ODAD4: variants seen among roughly 807,000 people sequenced by gnomAD.
The protein encoded by ODAD4 is outer dynein arm docking complex subunit 4.
ODAD4 carries 49 observed loss-of-function variants against 51.8 expected under a neutral mutation model. The observed-to-expected ratio is 0.95, with a 90% confidence interval of 0.75 to 1.20. ODAD4 has a LOEUF of 1.20. Ranked by LOEUF, ODAD4 falls within the 50% of genes most tolerant of loss-of-function variation. The pLI, the probability that ODAD4 is intolerant of heterozygous loss-of-function variation, is 0.00. For synonymous variants in ODAD4, 235 were observed against 221.3 expected (o/e 1.06, Z -0.55); for missense variants, 590 against 586.5 (o/e 1.01, Z -0.06).
chr17:41,937,022 T>C lies in ODAD4; in HGVS notation c.625+95T>C, dbSNP rs2050439396. 6 of 1,405,744 alleles carry C rather than the reference T, an allele frequency of 4.3e-6. No homozygotes were observed. In the South Asian group the frequency reaches 7.7e-5, roughly 18 times the overall value. The allele number at this position is 1,405,744 out of a possible 1,614,324, so 87.1% of individuals were successfully genotyped here. A position where few individuals can be genotyped will look rare whatever the true frequency, so the allele number is the denominator to read the frequency against. On this transcript the variant is annotated intron_variant, in intron 5 of 11. Transcript: ENST00000377540. Reference sequence around the variant, plus strand: ...TGAAGGCAGAACCTGTCATATAATATTAGCTGACGTGTACCTGTGGACAGG... The same window carrying C: ...TGAAGGCAGAACCTGTCATATAATACTAGCTGACGTGTACCTGTGGACAGG...
At position 41,945,132 on chromosome 17, in the gene ODAD4, A is replaced by C; in HGVS notation, c.1059-4A>C. 1.2e-6 allele frequency: 2 copies of C among 1,611,942 alleles called. No homozygotes were observed. The highest frequency in any genetic ancestry group is 2.2e-5 in the East Asian group (1 of 44,872). On this transcript the variant is annotated splice_polypyrimidine_tract_variant and splice_region_variant and intron_variant, in intron 7 of 11. Transcript: ENST00000377540. Reference sequence around the variant, plus strand: ...GAATGGCTTGTTTTGCTTCTTCCCCACAGTGACCTTCCTGATGCAAAATCG... The same window carrying C: ...GAATGGCTTGTTTTGCTTCTTCCCCCCAGTGACCTTCCTGATGCAAAATCG...
At position 41,949,133 on chromosome 17, in the gene ODAD4, C is replaced by T. The variant is rs1166049994; in HGVS notation, c.1146-20C>T. ...ATGGTTTTGGGGGATGAAGCTGACT[C>T]TGGTTCTTCATGTCCCCAGGTGGGA... is the stretch of plus-strand genomic sequence containing the variant. On this transcript the variant is annotated intron_variant, in intron 8 of 11. Transcript: ENST00000377540. The T allele has an allele frequency of 1.8e-5, 7 of 398,412 alleles. 1 individual carries two copies. The highest frequency in any genetic ancestry group is 3.1e-5 in the Non-Finnish European group (7 of 226,080). 24.7% of individuals were successfully genotyped at this position (398,412 alleles called of 1,614,324 possible).
intron 1 of ODAD4, 78 bp from the exon 2 acceptor site, chr17:41,935,139 G>A (rs2050406232): frequency 3.2e-6 from 5 of 1,565,736 alleles, no homozygotes; most frequent in Non-Finnish European, 4.4e-6. Flanking sequence ...TCTGCAGGAG[G>A]GTTTGGGCTG....
chr17:41,961,593 A>G, intron 11 of ODAD4, 127 bp downstream of exon 11: 1 of 651,200 alleles, frequency 1.5e-6, no homozygotes, highest in East Asian at 2.7e-5. Context: ...CGTGCATTCT[A>G]ATTTCAGTGC....
intron 10 of ODAD4, among the ~76,000 whole-genome samples, chr17:41,957,954 G>A (rs1256917661): frequency 6.6e-6 from 1 of 151,938 alleles, no homozygotes; most frequent in Non-Finnish European, 1.5e-5. Flanking sequence ...TTTATTTTTT[G>A]TAGAGATGAG....
At chr17:41,939,262 T>A in intron 7 of ODAD4, 90 bp downstream of exon 7, 3 of 1,285,574 alleles carry the variant, frequency 2.3e-6, no homozygotes, top group Non-Finnish European at 3.2e-6. Context: ...GCTGGTGGCT[T>A]GACTCCCATT....
intron 11 of ODAD4, among the ~76,000 whole-genome samples, chr17:41,964,361 G>A (rs987639810): frequency 4.0e-5 from 6 of 151,756 alleles, no homozygotes; most frequent in Non-Finnish European, 7.4e-5. Flanking sequence ...CCGCCCGGCC[G>A]TGTGATTTCT....
intron 8 of ODAD4, among the ~76,000 whole-genome samples, chr17:41,946,552 T>C (rs995751386): frequency 4.6e-5 from 7 of 152,216 alleles, no homozygotes; most frequent in Non-Finnish European, 8.8e-5. Flanking sequence ...CTCAAACTCC[T>C]GACCTCAGGT....
intron 8 of ODAD4, among the ~76,000 whole-genome samples, chr17:41,946,749 T>C (rs2050592121): frequency 6.6e-6 from 1 of 152,190 alleles, no homozygotes; most frequent in Admixed American, 6.5e-5. Flanking sequence ...TGATCTCAGC[T>C]CATGGCAACC....
At chr17:41,939,841 G>A (rs185088209) in intron 7 of ODAD4, among the ~76,000 whole-genome samples, 1 of 152,290 alleles carries the variant, frequency 6.6e-6, no homozygotes, top group Non-Finnish European at 1.5e-5. Context: ...GACCTAGGCT[G>A]TGGAACTTGC....
intron 1 of ODAD4, among the ~76,000 whole-genome samples, chr17:41,933,071 G>A (rs1465852491): frequency 6.7e-6 from 1 of 150,340 alleles, no homozygotes; most frequent in Non-Finnish European, 1.5e-5. Flanking sequence ...GACCAGATAA[G>A]TGAACAATTG....
chr17:41,958,906 C>T (rs945988848), intron 10 of ODAD4, among the ~76,000 whole-genome samples: 3 of 147,534 alleles, frequency 2.0e-5, no homozygotes, highest in Admixed American at 6.8e-5. Context: ...CCCAGCTACT[C>T]GGGAGGCTGA....
chr17:41,933,683 G>A lies in ODAD4; in HGVS notation c.115-1534G>A, dbSNP rs1598068228. On this transcript the variant is annotated intron_variant, in intron 1 of 11. Transcript: ENST00000377540. ...AAAAAAATTAGCCAGGTGTGGTGGC[G>A]GGCACCCGTAGTCCCAGGTACTCGG... Among the ~76,000 whole-genome samples the A allele has an allele frequency of 1.3e-5, 2 of 151,888 alleles. 1 individual carries two copies. The highest frequency in any genetic ancestry group is 6.8e-3 in the Middle Eastern group (2 of 294).
chr17:41,964,379 C>T (rs566376777), intron 11 of ODAD4, among the ~76,000 whole-genome samples: 119 of 152,058 alleles, frequency 7.8e-4, no homozygotes, highest in African/African-American at 2.8e-3. Flanking sequence ...TCTTTTCTAT[C>T]GATCTCAGGT....
chr17:41,964,849 C>T (rs540044830), intron 11 of ODAD4, 144 bp from the exon 12 acceptor site: 72 of 574,956 alleles, frequency 1.3e-4, no homozygotes, highest in Non-Finnish European at 1.0e-4. Flanking sequence ...CACTGTGTCG[C>T]CCAGGCTGGT....
At position 41,964,938 on chromosome 17, in the gene ODAD4, C is replaced by T. The variant is rs548838316; in HGVS notation, c.1529-55C>T. 92 of 647,084 alleles carry T rather than the reference C, an allele frequency of 1.4e-4. 1 individual carries two copies. In the South Asian group the frequency reaches 1.6e-3, roughly 11 times the overall value. 40.1% of individuals were successfully genotyped at this position (647,084 alleles called of 1,614,324 possible). A position where few individuals can be genotyped will look rare whatever the true frequency, so the allele number is the denominator to read the frequency against. On this transcript the variant is annotated intron_variant, in intron 11 of 11. Coordinates refer to ENST00000377540, the MANE Select transcript of ODAD4 (RefSeq NM_031421.5). Reference sequence around the variant, plus strand: ...GATTACAGGCGTGAGCCACCGCACCCGGCCTGACATGAACAAACTTTTATC... The same window carrying T: ...GATTACAGGCGTGAGCCACCGCACCTGGCCTGACATGAACAAACTTTTATC...
chr17:41,936,588 C>A, intron 4 of ODAD4, 54 bp downstream of exon 4: 1 of 1,551,406 alleles, frequency 6.4e-7, no homozygotes, highest in Non-Finnish European at 8.9e-7. Context: ...GCTATGTGTG[C>A]CTGAGAAGGG....
At chr17:41,937,121 T>C (rs2050440768) in intron 5 of ODAD4, 194 bp downstream of exon 5, 1 of 619,490 alleles carries the variant, frequency 1.6e-6, no homozygotes, top group African/African-American at 1.8e-5. Context: ...CATATATAGG[T>C]AGGCAATGAC....
intron 5 of ODAD4, 89 bp downstream of exon 5, chr17:41,937,016 A>C: frequency 1.4e-6 from 2 of 1,444,518 alleles, no homozygotes; most frequent in Non-Finnish European, 1.9e-6. Context: ...AACCTGTCAT[A>C]TAATATTAGC....
Sources: allele counts gnomAD v4.1 joint callset (sites outside exome capture counted in the v4.1 genomes callset), GRCh38; gene constraint gnomAD v4.1.1; transcripts MANE v1.5; gene names NCBI Gene and HGNC (gene_info 2026-07-23, HGNC 2026-07-21).